The following LPP variants were observed in gnomAD, a reference collection of about 807,000 sequenced individuals.
LPP encodes the protein lipoma-preferred partner.
A neutral mutation model predicts 60.4 loss-of-function variants in LPP; 38 were observed. The ratio of observed to expected loss-of-function variants is 0.63; its 90% CI spans 0.49 to 0.83. LPP has a LOEUF of 0.83. Ranked by LOEUF, LPP falls within the 40% of genes least tolerant of loss-of-function variation. The pLI, the probability that LPP is intolerant of heterozygous loss-of-function variation, is 0.00. For synonymous variants in LPP, 328 were observed against 290.8 expected (o/e 1.13, Z -1.30); for missense variants, 902 against 783.6 (o/e 1.15, Z -1.80).
intron 8 of LPP, among the ~76,000 whole-genome samples, chr3:188,741,242 T>G (rs1040294429): frequency 6.6e-6 from 1 of 151,760 alleles, no homozygotes; most frequent in Non-Finnish European, 1.5e-5. Flanking sequence ...TTCCTTTGAA[T>G]TGGGGGGGGA....
At chr3:188,188,755 A>C (rs1727308955) in intron 1 of LPP, among the ~76,000 whole-genome samples, 1 of 152,160 alleles carries the variant, frequency 6.6e-6, no homozygotes, top group Non-Finnish European at 1.5e-5. Flanking sequence ...GATGTATTGA[A>C]GATGCTGCAT....
rs995719344 is a variant in LPP at position 188,878,915 on chromosome 3, G to A, written c.*4436G>A. On this transcript the variant is annotated 3_prime_UTR_variant, in exon 12 of 12. Transcript: ENST00000617246. ...TTTTATGCCAGAAGGTGATATAATG[G>A]ATGTTAGTGTTTTTTATTTGATTTT... 8.9e-6 allele frequency: 2 copies of A among 225,076 alleles called. No homozygotes were observed. Among genetic ancestry groups the A allele is most frequent in the African/African-American group, 4.5e-5 (2 of 44,898 alleles). 13.9% of individuals were successfully genotyped at this position (225,076 alleles called of 1,614,324 possible). A position where few individuals can be genotyped will look rare whatever the true frequency, so the allele number is the denominator to read the frequency against.
At chr3:188,391,369 G>A (rs954735565) in intron 3 of LPP, among the ~76,000 whole-genome samples, 8 of 152,236 alleles carry the variant, frequency 5.3e-5, no homozygotes, top group Admixed American at 2.6e-4. Flanking sequence ...GGTGATCCAA[G>A]TGCTTTGCAT....
intron 2 of LPP, among the ~76,000 whole-genome samples, chr3:188,322,175 A>G (rs1757143418): frequency 6.6e-6 from 1 of 152,154 alleles, no homozygotes; most frequent in Admixed American, 6.5e-5. Context: ...CATTTAATCT[A>G]TGGAGGTTGT....
chr3:188,641,584 G>A (rs555037922), intron 7 of LPP, among the ~76,000 whole-genome samples: 9 of 152,324 alleles, frequency 5.9e-5, no homozygotes, highest in Admixed American at 3.9e-4. Flanking sequence ...TGGTCTAATC[G>A]GAGCAGCAGG....
intron 3 of LPP, among the ~76,000 whole-genome samples, 198 bp from the exon 4 acceptor site, chr3:188,405,914 C>T (rs2148862951): frequency 6.6e-6 from 1 of 152,144 alleles, no homozygotes; most frequent in South Asian, 2.1e-4. Context: ...TCCTCTCCTT[C>T]CTCCTTTTCC....
chr3:188,592,563 T>TTGTTTTTTTTTTTTTTTTTTTTTTTTTGG, intron 6 of LPP, among the ~76,000 whole-genome samples: 3 of 77,226 alleles, frequency 3.9e-5, no homozygotes, highest in African/African-American at 1.4e-4. Flanking sequence ...TTTTGTTTTT[T>TTGTTTTTTTTTTTTTTTTTTTTTTTTTGG]AAATGGAGTC....
intron 9 of LPP, among the ~76,000 whole-genome samples, chr3:188,767,006 G>T (rs752546611): frequency 1.3e-5 from 2 of 152,020 alleles, no homozygotes; most frequent in African/African-American, 2.4e-5. Flanking sequence ...TATACAGTCC[G>T]TTTTAAATAT....
intron 8 of LPP, among the ~76,000 whole-genome samples, chr3:188,721,607 T>C (rs891558104): frequency 6.6e-6 from 1 of 152,118 alleles, no homozygotes; most frequent in Non-Finnish European, 1.5e-5. Flanking sequence ...CAGCTAATGT[T>C]TGAAATATTG....
Position 188,609,739 on chromosome 3 carries a change from A to G in LPP, c.1008A>G (p.Gly336=), listed in dbSNP as rs1843272161. Residue 336 remains glycine, a synonymous_variant, in exon 7 of 12, where the codon GGA becomes GGG. Coordinates refer to ENST00000617246, the MANE Select transcript of LPP (RefSeq NM_001375462.1). This position sits in a 1 kb window ranked among gnomAD's most constrained non-coding sequence, Gnocchi z 6.9. ...WKREPGYTPP[G]AGNQNPPGMY... is the part of the protein sequence containing the mutation. ...GGGAACCAGGGTACACTCCTCCTGG[A>G]GCAGGGAACCAGAACCCTCCTGGGA... 1 of 1,614,142 alleles carries G rather than the reference A, an allele frequency of 6.2e-7. No individual in the cohort carries two copies. The highest frequency in any genetic ancestry group is 1.3e-5 in the African/African-American group (1 of 75,030).
intron 7 of LPP, among the ~76,000 whole-genome samples, chr3:188,676,994 GGCACCTAGTA>G (rs149200783): frequency 0.016 from 2,400 of 152,224 alleles, 71 homozygotes; most frequent in African/African-American, 0.055. Flanking sequence ...AAAGAGTGAG[GGCACCTAGTA>G]GCTGACAAGA....
intron 1 of LPP, among the ~76,000 whole-genome samples, chr3:188,156,131 C>T (rs1346782627): frequency 6.6e-6 from 1 of 152,190 alleles, no homozygotes; most frequent in Non-Finnish European, 1.5e-5. Context: ...AATGTAGGCT[C>T]CAGAGGGGAT....
At chr3:188,319,005 G>T (rs1459789893) in intron 2 of LPP, among the ~76,000 whole-genome samples, 1 of 151,896 alleles carries the variant, frequency 6.6e-6, no homozygotes, top group Non-Finnish European at 1.5e-5. Flanking sequence ...TGATCCGCCC[G>T]CCTCGGCCTC....
At chr3:188,645,565 G>A (rs1850956222) in intron 7 of LPP, among the ~76,000 whole-genome samples, 1 of 152,070 alleles carries the variant, frequency 6.6e-6, no homozygotes, top group Non-Finnish European at 1.5e-5. Flanking sequence ...CTTTTCATTA[G>A]GAGACAAATG....
intron 2 of LPP, among the ~76,000 whole-genome samples, chr3:188,331,180 A>G (rs183210612): frequency 2.3e-3 from 355 of 152,240 alleles, no homozygotes; most frequent in Admixed American, 5.3e-3. Flanking sequence ...GATATGTTGA[A>G]TAGATTTTGC....
chr3:188,250,792 TTCTC>T (rs769444580), intron 2 of LPP, among the ~76,000 whole-genome samples: 3 of 86,962 alleles, frequency 3.4e-5, no homozygotes, highest in East Asian at 2.4e-4. Context: ...CTTTCTGTCT[TTCTC>T]TTTCTTTCTT....
rs747889832 is a variant in LPP at position 188,760,234 on chromosome 3, G to C, written c.1362G>C (p.Gln454His). 6.2e-7 allele frequency: 1 copy of C among 1,614,166 alleles called. No individual in the cohort carries two copies. ...CIICNNKLRG[Q>H]PFYAVEKKAY... is the part of the protein sequence containing the mutation. ...TCTGCAACAACAAGCTCCGAGGGCA[G>C]CCATTCTATGCTGTGGAAAAGAAAG... The change falls in exon 9 of 12, where the codon CAG becomes CAC. Residue 454 changes from glutamine (Q) to histidine (H), a missense_variant. By Grantham distance (24) the Gln-to-His change is conservative. Coordinates refer to ENST00000617246, the MANE Select transcript of LPP (RefSeq NM_001375462.1).
At chr3:188,517,290 A>G (rs1419888433) in intron 5 of LPP, among the ~76,000 whole-genome samples, 1 of 152,222 alleles carries the variant, frequency 6.6e-6, no homozygotes, top group African/African-American at 2.4e-5. Context: ...TGAGGAAATT[A>G]CTTAATACAA....
intron 7 of LPP, among the ~76,000 whole-genome samples, chr3:188,707,118 G>T (rs1316208568): frequency 6.6e-6 from 1 of 151,408 alleles, no homozygotes; most frequent in East Asian, 1.9e-4. Context: ...TGATTCTCTT[G>T]CATTGCTATA....
Sources: gnomAD v4.1 joint callset for allele counts (sites outside exome capture counted in the v4.1 genomes callset) on GRCh38, gnomAD v4.1.1 for gene constraint, Gnocchi (gnomAD v3.1) non-coding constraint, MANE v1.5 for transcripts, NCBI Gene and HGNC (gene_info 2026-07-23, HGNC 2026-07-21) for gene names.